The following PDE1C variants were observed in gnomAD, a reference collection of about 807,000 sequenced individuals.
PDE1C encodes the protein dual specificity calcium/calmodulin-dependent 3',5'-cyclic nucleotide phosphodiesterase 1C.
In PDE1C, 62 loss-of-function variants were observed where a neutral mutation model predicts 93.1. The ratio of observed to expected loss-of-function variants is 0.67; its 90% CI spans 0.54 to 0.82. The LOEUF (loss-of-function observed/expected upper bound fraction) is 0.82, where lower values mean the gene tolerates loss of function less well. Among genes scored for constraint, PDE1C ranks in the 40% least tolerant of loss-of-function variants. The pLI, the probability that PDE1C is intolerant of heterozygous loss-of-function variation, is 0.00. For synonymous variants in PDE1C, 325 were observed against 310.1 expected (o/e 1.05, Z -0.50); for missense variants, 742 against 884.6 (o/e 0.84, Z 2.04).
chr7:31,773,009 A>G (rs923217630), intron 17 of PDE1C, among the ~76,000 whole-genome samples: 1 of 152,190 alleles, frequency 6.6e-6, no homozygotes, highest in African/African-American at 2.4e-5. Flanking sequence ...GGGTATTGCA[A>G]TGAGGTGGTG....
intron 2 of PDE1C, among the ~76,000 whole-genome samples, chr7:31,931,461 C>G (rs983463301): frequency 1.3e-5 from 2 of 152,194 alleles, no homozygotes; most frequent in African/African-American, 4.8e-5. Flanking sequence ...AACAGAGAGC[C>G]AAATCATGAG....
chr7:31,652,065 G>T, the PDE1C span: 4 of 1,556,506 alleles, frequency 2.6e-6, no homozygotes, highest in Admixed American at 3.7e-5. Flanking sequence ...GGGTGATGGG[G>T]TGTGGAGTTT....
chr7:31,661,849 G>A, the PDE1C span, among the ~76,000 whole-genome samples: 1 of 151,982 alleles, frequency 6.6e-6, no homozygotes, highest in Non-Finnish European at 1.5e-5. Flanking sequence ...ACTCCCTTCA[G>A]TTCACATTCC....
At chr7:32,343,077 C>G (rs937752964) in intron 1 of PDE1C, among the ~76,000 whole-genome samples, 4 of 152,096 alleles carry the variant, frequency 2.6e-5, no homozygotes, top group Admixed American at 2.0e-4. Context: ...TATTCAGCAG[C>G]TAGAATCGGC....
chr7:32,174,677 A>G (rs1295769923), intron 2 of PDE1C, among the ~76,000 whole-genome samples: 1 of 152,154 alleles, frequency 6.6e-6, no homozygotes. Context: ...AATGCTACTC[A>G]TTTAAGAATT....
At chr7:32,179,394 G>A (rs912592114) in intron 2 of PDE1C, among the ~76,000 whole-genome samples, 9 of 151,698 alleles carry the variant, frequency 5.9e-5, no homozygotes, top group African/African-American at 1.9e-4. Context: ...CTGAGCAGCT[G>A]AGACTACAGA....
chr7:31,633,402 A>T, the PDE1C span, among the ~76,000 whole-genome samples: 1 of 152,250 alleles, frequency 6.6e-6, no homozygotes, highest in Non-Finnish European at 1.5e-5. Flanking sequence ...ACCAAAAGTG[A>T]GTAAGCACTA....
intron 2 of PDE1C, among the ~76,000 whole-genome samples, chr7:31,969,055 C>G (rs989416661): frequency 6.6e-6 from 1 of 152,132 alleles, no homozygotes; most frequent in Non-Finnish European, 1.5e-5. Context: ...CAATACCATT[C>G]AGGATATAGG....
chr7:32,114,059 G>C (rs1202649559), intron 3 of PDE1C, among the ~76,000 whole-genome samples: 1 of 152,106 alleles, frequency 6.6e-6, no homozygotes, highest in Non-Finnish European at 1.5e-5. Context: ...ACTATCCAAA[G>C]TAATTTATAG....
chr7:32,357,664 G>A (rs959425231), intron 1 of PDE1C, among the ~76,000 whole-genome samples: 2 of 152,164 alleles, frequency 1.3e-5, no homozygotes, highest in Non-Finnish European at 1.5e-5. Flanking sequence ...ACAAGCCCCC[G>A]TTCTGTTTCC....
At chr7:31,878,101 C>T in intron 4 of PDE1C, 65 bp from the exon 5 acceptor site, 1 of 1,113,456 alleles carries the variant, frequency 9.0e-7, no homozygotes, top group Non-Finnish European at 1.4e-6. Flanking sequence ...AATCCACAGA[C>T]TCATACCAAG....
chr7:31,933,623 G>C (rs1804627764), intron 2 of PDE1C, among the ~76,000 whole-genome samples: 1 of 152,162 alleles, frequency 6.6e-6, no homozygotes, highest in African/African-American at 2.4e-5. Flanking sequence ...GTAATCCTCA[G>C]TATTGGAGGT....
At chr7:32,410,280 A>G (rs1024830036) in intron 1 of PDE1C, among the ~76,000 whole-genome samples, 1 of 151,254 alleles carries the variant, frequency 6.6e-6, no homozygotes. Flanking sequence ...GCAGTGAGCT[A>G]TGATCATGCT....
At chr7:31,648,988 A>C in the PDE1C span, among the ~76,000 whole-genome samples, 16 of 152,388 alleles carry the variant, frequency 1.0e-4, no homozygotes, top group Admixed American at 2.0e-4. Context: ...TTCTGGTCTT[A>C]AGAGCCATAA....
intron 1 of PDE1C, among the ~76,000 whole-genome samples, chr7:32,062,239 T>G (rs1031235966): frequency 6.6e-6 from 1 of 152,208 alleles, no homozygotes; most frequent in African/African-American, 2.4e-5. Context: ...AATTCCACTT[T>G]CTTCCTCATC....
chr7:31,973,638 A>G (rs1811261310), intron 2 of PDE1C, among the ~76,000 whole-genome samples: 1 of 152,194 alleles, frequency 6.6e-6, no homozygotes, highest in South Asian at 2.1e-4. Context: ...TGAAGTAGTT[A>G]TTATTATTCT....
At chr7:32,153,430 C>T (rs1451011328) in intron 3 of PDE1C, among the ~76,000 whole-genome samples, 1 of 152,076 alleles carries the variant, frequency 6.6e-6, no homozygotes, top group South Asian at 2.1e-4. Flanking sequence ...CGGTGACCTA[C>T]AGAGGCAGCA....
At chr7:31,634,842 A>C in the PDE1C span, among the ~76,000 whole-genome samples, 8 of 152,308 alleles carry the variant, frequency 5.3e-5, no homozygotes, top group African/African-American at 1.2e-4. Context: ...TCAAGGCCCC[A>C]CTGGAGCAGA....
chr7:31,674,000 ATGTG>A, the PDE1C span, among the ~76,000 whole-genome samples: 1 of 152,190 alleles, frequency 6.6e-6, no homozygotes, highest in South Asian at 2.1e-4. Context: ...AAAGCTTACT[ATGTG>A]TGTATTTTTT....
Sources: allele counts gnomAD v4.1 joint callset (sites outside exome capture counted in the v4.1 genomes callset), GRCh38; gene constraint gnomAD v4.1.1; transcripts MANE v1.5; gene names NCBI Gene and HGNC (gene_info 2026-07-23, HGNC 2026-07-21).